The following ACCSL variants were observed in gnomAD, a reference collection of about 807,000 sequenced individuals.
ACCSL encodes the protein probable inactive 1-aminocyclopropane-1-carboxylate synthase-like protein 2.
A neutral mutation model predicts 61.7 loss-of-function variants in ACCSL; 55 were observed. That is an observed-to-expected ratio of 0.89 (90% CI 0.72 to 1.12). ACCSL has a LOEUF of 1.12. Ranked by LOEUF, ACCSL falls within the 50% of genes most tolerant of loss-of-function variation. ACCSL has a pLI of 0.00. For missense variants in ACCSL, 632 were observed against 698.0 expected (o/e 0.91, Z 1.07); for synonymous variants, 258 against 264.3 (o/e 0.98, Z 0.23).
chr11:43,922,019 T>C, the ACCSL span, among the ~76,000 whole-genome samples: 2 of 152,224 alleles, frequency 1.3e-5, no homozygotes, highest in Non-Finnish European at 2.9e-5. Flanking sequence ...TTTGTTTTGC[T>C]GGTGCTAGAT....
chr11:44,032,323 C>T, the ACCSL span, among the ~76,000 whole-genome samples: 1 of 152,340 alleles, frequency 6.6e-6, no homozygotes, highest in East Asian at 1.9e-4. Context: ...CTGGACCACC[C>T]ACTGCACTTG....
the ACCSL span, among the ~76,000 whole-genome samples, chr11:44,038,421 G>A: frequency 6.6e-5 from 10 of 152,310 alleles, no homozygotes. Context: ...GAGTTAAGGA[G>A]GAAGGCTCCT....
At chr11:43,942,509 C>A in the ACCSL span, 1 of 228,802 alleles carries the variant, frequency 4.4e-6, no homozygotes, top group South Asian at 3.9e-5. Flanking sequence ...TTTCCCAGAG[C>A]GGCGGGGCGA....
At chr11:43,973,691 A>G in the ACCSL span, among the ~76,000 whole-genome samples, 1 of 152,164 alleles carries the variant, frequency 6.6e-6, no homozygotes, top group Non-Finnish European at 1.5e-5. Flanking sequence ...AGAGCATAAG[A>G]TGGTTTCAGT....
the ACCSL span, among the ~76,000 whole-genome samples, chr11:43,964,571 A>C: frequency 6.6e-6 from 1 of 152,214 alleles, no homozygotes; most frequent in African/African-American, 2.4e-5. Context: ...TCATTCAAAA[A>C]ATAGAAAAGG....
chr11:44,047,956 T>C, upstream of ACCSL: 1 of 1,510,568 alleles, frequency 6.6e-7, no homozygotes, highest in Middle Eastern at 1.8e-4. Flanking sequence ...GTCCAGGAGA[T>C]CCTCCTTTGC....
At chr11:43,949,827 CA>C in the ACCSL span, among the ~76,000 whole-genome samples, 10 of 98,754 alleles carry the variant, frequency 1.0e-4, no homozygotes, top group East Asian at 4.2e-4. Flanking sequence ...AAAAAACAAA[CA>C]AACAACAACA....
the ACCSL span, among the ~76,000 whole-genome samples, chr11:43,929,285 T>C: frequency 6.6e-6 from 1 of 152,206 alleles, no homozygotes; most frequent in Non-Finnish European, 1.5e-5. Context: ...ATTGGCACAG[T>C]CATGGCTCAC....
the ACCSL span, among the ~76,000 whole-genome samples, chr11:44,004,333 C>T: frequency 1.3e-5 from 2 of 151,958 alleles, no homozygotes; most frequent in Non-Finnish European, 2.9e-5. Flanking sequence ...TTGGTGTTTG[C>T]TCACCCCCGC....
chr11:43,943,181 A>C, the ACCSL span: 2 of 1,510,104 alleles, frequency 1.3e-6, no homozygotes, highest in Non-Finnish European at 1.8e-6. This position sits in a 1 kb window ranked among gnomAD's most constrained non-coding sequence, Gnocchi z 4.8. Flanking sequence ...CCTGCGCCGC[A>C]GCACGCAGAG....
chr11:43,993,989 C>T, the ACCSL span, among the ~76,000 whole-genome samples: 10 of 152,160 alleles, frequency 6.6e-5, no homozygotes, highest in Admixed American at 5.9e-4. Context: ...GGGCTCCATC[C>T]CAGAGTTCCT....
upstream of ACCSL, among the ~76,000 whole-genome samples, chr11:44,046,027 G>A (rs1469741406): frequency 1.3e-5 from 2 of 152,130 alleles, no homozygotes; most frequent in Non-Finnish European, 2.9e-5. Flanking sequence ...CCTTTTGGAA[G>A]GCAAAACCAA....
At chr11:43,989,400 C>T in the ACCSL span, among the ~76,000 whole-genome samples, 1 of 152,226 alleles carries the variant, frequency 6.6e-6, no homozygotes, top group Non-Finnish European at 1.5e-5. Flanking sequence ...CTAGGCTTGG[C>T]CAGATGGTGG....
At chr11:44,015,306 G>C in the ACCSL span, among the ~76,000 whole-genome samples, 1 of 152,156 alleles carries the variant, frequency 6.6e-6, no homozygotes, top group Non-Finnish European at 1.5e-5. Flanking sequence ...GGGAAACTGA[G>C]GCTGGGAGGG....
In ACCSL at chr11:44,051,642, G is replaced by T; in HGVS notation, c.706-11G>T. 3.7e-6 allele frequency: 6 copies of T among 1,614,182 alleles called. No individual in the cohort carries two copies. The highest frequency in any genetic ancestry group is 5.1e-6 in the Non-Finnish European group (6 of 1,180,014). On this transcript the variant is annotated splice_polypyrimidine_tract_variant and intron_variant, in intron 4 of 13. Transcript: ENST00000378832. ...TGGTTTTGACTTCTGCCTCTCATGTGTTGTCTTCAGGTGGTGGTTCTAAAT... is the reference window on the plus strand; with the variant it reads ...TGGTTTTGACTTCTGCCTCTCATGTTTTGTCTTCAGGTGGTGGTTCTAAAT...
chr11:43,943,657 G>T, the ACCSL span: 1 of 1,305,076 alleles, frequency 7.7e-7, no homozygotes. This position sits in a 1 kb window ranked among gnomAD's most constrained non-coding sequence, Gnocchi z 4.8. Flanking sequence ...GCCCCCCAGC[G>T]CACACCCATT....
At chr11:43,938,206 G>T in the ACCSL span, among the ~76,000 whole-genome samples, 17 of 148,436 alleles carry the variant, frequency 1.1e-4, no homozygotes, top group East Asian at 2.9e-3. Context: ...AGGTTCTCTG[G>T]GGGGGTGACC....
chr11:44,006,584 C>A, the ACCSL span, among the ~76,000 whole-genome samples: 14 of 148,304 alleles, frequency 9.4e-5, no homozygotes, highest in Non-Finnish European at 2.1e-4. Flanking sequence ...CGGCTTACTG[C>A]AGCCTCCATC....
chr11:44,032,204 T>C, the ACCSL span, among the ~76,000 whole-genome samples: 5 of 152,158 alleles, frequency 3.3e-5, no homozygotes, highest in Non-Finnish European at 7.4e-5. Context: ...ATCTAATGGG[T>C]GCTTTGCTGG....
Sources: allele counts gnomAD v4.1 joint callset (sites outside exome capture counted in the v4.1 genomes callset), GRCh38; gene constraint gnomAD v4.1.1; non-coding constraint Gnocchi (gnomAD v3.1); transcripts MANE v1.5; gene names NCBI Gene and HGNC (gene_info 2026-07-23, HGNC 2026-07-21).